The following GUCY1A2 variants were observed in gnomAD, a reference collection of about 807,000 sequenced individuals.
GUCY1A2 encodes guanylate cyclase 1 soluble subunit alpha 2.
In GUCY1A2, 27 loss-of-function variants were observed where a neutral mutation model predicts 63.5. The observed-to-expected ratio is 0.43, with a 90% CI of 0.31 to 0.59. The LOEUF is 0.59. Ranked by LOEUF, GUCY1A2 falls within the 20% of genes least tolerant of loss-of-function variation. The pLI is 0.11. For synonymous variants in GUCY1A2, 364 were observed against 343.5 expected (o/e 1.06, Z -0.66); for missense variants, 768 against 913.3 (o/e 0.84, Z 2.05).
intron 5 of GUCY1A2, 75 bp downstream of exon 5, chr11:106,809,918 T>TA (rs1002461882): frequency 4.7e-5 from 46 of 971,576 alleles, no homozygotes; most frequent in Admixed American, 2.4e-4. Context: ...CAAGTTTAAG[T>TA]AAAAAAATCA....
intron 1 of GUCY1A2, among the ~76,000 whole-genome samples, chr11:107,015,529 T>C (rs1194989245): frequency 1.6e-5 from 2 of 121,762 alleles, no homozygotes; most frequent in Non-Finnish European, 3.1e-5. Flanking sequence ...GGCATTGACA[T>C]TACTTTTTAG....
At chr11:106,809,429 A>T (rs1232084259) in intron 5 of GUCY1A2, among the ~76,000 whole-genome samples, 1 of 152,134 alleles carries the variant, frequency 6.6e-6, no homozygotes, top group Admixed American at 6.6e-5. Flanking sequence ...CAATTTTGGA[A>T]ATTTTTCCAT....
At position 106,678,016 on chromosome 11, in the gene GUCY1A2, A is replaced by G. The variant is rs1862374271; in HGVS notation, c.*9533T>C. ...GTTATATAACAAATAAATGAATTTTATGAGTGCCTGGTGACACACTTGAAA... is the reference window on the plus strand; with the variant it reads ...GTTATATAACAAATAAATGAATTTTGTGAGTGCCTGGTGACACACTTGAAA... On this transcript the variant is annotated 3_prime_UTR_variant, in exon 8 of 8. Coordinates refer to ENST00000526355, the MANE Select transcript of GUCY1A2 (RefSeq NM_000855.3). The G allele has an allele frequency of 4.9e-6, 1 of 202,368 alleles. No individual in the cohort carries two copies. Among genetic ancestry groups the G allele is most frequent in the Non-Finnish European group, 1.0e-5 (1 of 98,386 alleles). The allele number at this position is 202,368 out of a possible 1,614,324, so 12.5% of individuals were successfully genotyped here.
chr11:106,796,676 A>T (rs1040304591), intron 5 of GUCY1A2, among the ~76,000 whole-genome samples: 2 of 152,186 alleles, frequency 1.3e-5, no homozygotes, highest in African/African-American at 4.8e-5. Context: ...CTTTGTGGGT[A>T]ACCCGACCTT....
At chr11:106,796,509 G>C (rs1864763610) in intron 5 of GUCY1A2, among the ~76,000 whole-genome samples, 1 of 152,004 alleles carries the variant, frequency 6.6e-6, no homozygotes, top group African/African-American at 2.4e-5. Flanking sequence ...GTCTGTAAAG[G>C]ATTTTATTTC....
intron 4 of GUCY1A2, among the ~76,000 whole-genome samples, chr11:106,859,775 TCA>T (rs1225794987): frequency 6.6e-6 from 1 of 151,970 alleles, no homozygotes; most frequent in Non-Finnish European, 1.5e-5. Context: ...TACACAAATA[TCA>T]TCATGTTACA....
intron 7 of GUCY1A2, among the ~76,000 whole-genome samples, chr11:106,688,439 A>C (rs1321755166): frequency 6.6e-6 from 1 of 152,194 alleles, no homozygotes; most frequent in Non-Finnish European, 1.5e-5. Flanking sequence ...GTTTCATGAA[A>C]GGTTCAGTTT....
chr11:106,925,787 G>A (rs189021096), intron 4 of GUCY1A2, among the ~76,000 whole-genome samples: 1 of 152,270 alleles, frequency 6.6e-6, no homozygotes, highest in African/African-American at 2.4e-5. Context: ...TAGTGTCTTA[G>A]TCAATTCACC....
intron 6 of GUCY1A2, among the ~76,000 whole-genome samples, chr11:106,710,706 T>TAAC (rs1309175770): frequency 6.6e-6 from 1 of 151,960 alleles, no homozygotes; most frequent in Non-Finnish European, 1.5e-5. Context: ...TTAAACACGA[T>TAAC]AACAGTAATG....
chr11:106,751,400 C>T (rs1007527938), intron 6 of GUCY1A2, among the ~76,000 whole-genome samples: 6 of 152,036 alleles, frequency 3.9e-5, no homozygotes, highest in African/African-American at 1.2e-4. Flanking sequence ...AAGACTCTTT[C>T]GAAGTTTTAT....
intron 5 of GUCY1A2, among the ~76,000 whole-genome samples, chr11:106,790,249 G>A (rs1019889756): frequency 5.9e-5 from 9 of 151,992 alleles, no homozygotes; most frequent in African/African-American, 2.2e-4. Context: ...CACAGGCAGA[G>A]GAGGCTCACC....
rs573382842 is a variant in GUCY1A2 at position 106,863,517 on chromosome 11, T to C, written c.1207-53039A>G. On this transcript the variant is annotated intron_variant, in intron 4 of 7. Coordinates refer to ENST00000526355, the MANE Select transcript of GUCY1A2 (RefSeq NM_000855.3). ...GTCTATATATCTGTTTTGGTACCAG[T>C]ACCATGCTGTTTTGGTTGCTGTAGC... Among the ~76,000 whole-genome samples, 8 of 152,324 alleles carry C rather than the reference T, an allele frequency of 5.3e-5. No individual in the cohort carries two copies. The East Asian group carries it at 1.3e-3, about 26-fold the overall frequency.
At chr11:107,008,204 G>A (rs562427063) in intron 1 of GUCY1A2, among the ~76,000 whole-genome samples, 12 of 144,262 alleles carry the variant, frequency 8.3e-5, no homozygotes, top group Non-Finnish European at 8.9e-5. Context: ...GCTGGAACCC[G>A]GTGGGCAGAG....
intron 4 of GUCY1A2, among the ~76,000 whole-genome samples, chr11:106,822,271 C>A (rs1208871811): frequency 1.3e-5 from 2 of 152,014 alleles, no homozygotes; most frequent in African/African-American, 4.8e-5. Context: ...CAATTTTTTT[C>A]TTTGCTTTGC....
chr11:106,873,369 A>T (rs1591309878), intron 4 of GUCY1A2, among the ~76,000 whole-genome samples: 2 of 152,292 alleles, frequency 1.3e-5, no homozygotes, highest in Admixed American at 1.3e-4. Context: ...TGAATGAACC[A>T]ATTTACATTC....
intron 4 of GUCY1A2, among the ~76,000 whole-genome samples, chr11:106,835,656 G>C (rs1014379639): frequency 2.0e-5 from 3 of 151,232 alleles, no homozygotes; most frequent in African/African-American, 7.3e-5. Flanking sequence ...ATAGCACAGA[G>C]ATCATAAAAG....
At chr11:106,876,825 T>A (rs1480466202) in intron 4 of GUCY1A2, among the ~76,000 whole-genome samples, 1 of 152,150 alleles carries the variant, frequency 6.6e-6, no homozygotes, top group Non-Finnish European at 1.5e-5. Context: ...ATGCTGGTTT[T>A]CCACTGTGGT....
At chr11:106,782,334 G>T (rs116606604) in intron 5 of GUCY1A2, among the ~76,000 whole-genome samples, 1,809 of 152,332 alleles carry the variant, frequency 0.012, 31 homozygotes, top group African/African-American at 0.042. Flanking sequence ...AGAGAGAAGA[G>T]ATATTGGAAT....
chr11:106,936,294 GCAATA>G lies in GUCY1A2; in HGVS notation c.1206+3161_1206+3165del, dbSNP rs201159063. On this transcript the variant is annotated intron_variant, in intron 4 of 7. Transcript: ENST00000526355. ...ATGTCTTGTAATTCAAAAGATCTAT[GCAATA>G]CATTTCCAAATTCTCAGAACAATAT... Among the ~76,000 whole-genome samples, 1,451 of 152,272 alleles carry G rather than the reference GCAATA, an allele frequency of 9.5e-3. 9 individuals are homozygous for G. Among genetic ancestry groups the G allele is most frequent in the Admixed American group, 0.017 (266 of 15,294 alleles).
Sources: gnomAD v4.1 joint callset for allele counts (sites outside exome capture counted in the v4.1 genomes callset) on GRCh38, gnomAD v4.1.1 for gene constraint, MANE v1.5 for transcripts, NCBI Gene and HGNC (gene_info 2026-07-23, HGNC 2026-07-21) for gene names.